The following CHD7 variants were observed in gnomAD, a reference collection of about 807,000 sequenced individuals.
CHD7 encodes the protein chromodomain helicase DNA binding protein 7.
CHD7 carries 24 observed loss-of-function variants against 307.3 expected under a neutral mutation model. The observed-to-expected ratio is 0.08, with a 90% confidence interval of 0.06 to 0.11. The LOEUF (loss-of-function observed/expected upper bound fraction) is 0.11, where lower values mean the gene tolerates loss of function less well. CHD7 is among the 10% of genes least tolerant of loss of function. The pLI, the probability that CHD7 is intolerant of heterozygous loss-of-function variation, is 1.00. For missense variants in CHD7, 3,106 were observed against 3,727.1 expected (o/e 0.83, Z 4.34); for synonymous variants, 1,363 against 1,349.9 (o/e 1.01, Z -0.21).
intron 34 of CHD7, among the ~76,000 whole-genome samples, chr8:60,860,676 C>G (rs1805928566): frequency 6.6e-6 from 1 of 152,202 alleles, no homozygotes; most frequent in African/African-American, 2.4e-5. Context: ...CTCAGGTGAT[C>G]CGCCCACCTC....
intron 2 of CHD7, among the ~76,000 whole-genome samples, chr8:60,773,306 A>G (rs540170610): frequency 1.8e-4 from 27 of 152,288 alleles, no homozygotes; most frequent in Admixed American, 1.8e-3. Flanking sequence ...TTCTCACAAA[A>G]TTACTTCAGG....
Position 60,742,971 on chromosome 8 carries a change from C to T in CHD7, c.1539C>T (p.Thr513=), listed in dbSNP as rs777411052. Residue 513 remains threonine, a synonymous_variant, in exon 2 of 38, where the codon ACC becomes ACT. Transcript: ENST00000423902. The stretch of plus-strand genomic sequence containing the variant: ...AGCCATCTTTTCAGCAGTTGCCAAC[C>T]TGTCCTCCACTGCAGCCTCACCCGG... ...GQQPSFQQLP[T]CPPLQPHPGL... is the part of the protein sequence containing the mutation. 2.5e-6 allele frequency: 4 copies of T among 1,613,700 alleles called. No homozygotes were observed. The South Asian group carries it at 4.4e-5, about 18-fold the overall frequency.
intron 7 of CHD7, among the ~76,000 whole-genome samples, chr8:60,815,931 G>T (rs992950873): frequency 2.0e-5 from 3 of 152,124 alleles, no homozygotes; most frequent in African/African-American, 7.2e-5. Flanking sequence ...TTTTAAATTT[G>T]AATTATTTTA....
intron 3 of CHD7, among the ~76,000 whole-genome samples, chr8:60,788,223 A>G (rs1393981752): frequency 6.6e-6 from 1 of 151,786 alleles, no homozygotes; most frequent in Non-Finnish European, 1.5e-5. Flanking sequence ...TCCTGGGCTC[A>G]AGCAGTCCTC....
rs533760815 is a variant in CHD7, at chr8:60,696,857, T to C, written c.-175+17775T>C. Reference sequence around the variant, plus strand: ...AAATTTTGCATGTTTTTTTTTTTTCTTTTCTAGATTGCTTGGCAGTTTTGG... The same window carrying C: ...AAATTTTGCATGTTTTTTTTTTTTCCTTTCTAGATTGCTTGGCAGTTTTGG... On this transcript the variant is annotated intron_variant, in intron 1 of 37. Transcript: ENST00000423902. Among the ~76,000 whole-genome samples, 213 of 151,962 alleles carry C rather than the reference T, an allele frequency of 1.4e-3. 1 individual carries two copies. The highest frequency in any genetic ancestry group is 4.2e-3 in the African/African-American group (173 of 41,496).
intron 1 of CHD7, among the ~76,000 whole-genome samples, chr8:60,726,695 A>G (rs1304306927): frequency 6.6e-6 from 1 of 152,244 alleles, no homozygotes; most frequent in African/African-American, 2.4e-5. Flanking sequence ...ATAGTTCAGA[A>G]TCAGTCTCAG....
chr8:60,866,102 T>C lies in CHD7; in HGVS notation c.*169T>C, dbSNP rs1226056409. The stretch of plus-strand genomic sequence containing the variant: ...ACAGGTGTGTCAAAAGGTATCTTGG[T>C]CATTAAGTATTGTGCAGTGCATTAT... On this transcript the variant is annotated 3_prime_UTR_variant, in exon 38 of 38. Coordinates refer to ENST00000423902, the MANE Select transcript of CHD7 (RefSeq NM_017780.4). 5 of 615,698 alleles carry C rather than the reference T, an allele frequency of 8.1e-6. No individual in the cohort carries two copies. Among genetic ancestry groups the C allele is most frequent in the Non-Finnish European group, 1.4e-5 (5 of 350,200 alleles). 38.1% of individuals were successfully genotyped at this position (615,698 alleles called of 1,614,324 possible).
chr8:60,777,454 A>G (rs182418640), intron 2 of CHD7, among the ~76,000 whole-genome samples: 112 of 152,354 alleles, frequency 7.4e-4, no homozygotes, highest in Non-Finnish European at 2.4e-4. Context: ...AATGCTGATG[A>G]ATTGTGGAAG....
chr8:60,827,720 G>T (rs192116865), intron 13 of CHD7, among the ~76,000 whole-genome samples: 1 of 151,552 alleles, frequency 6.6e-6, no homozygotes, highest in Admixed American at 6.6e-5. Context: ...GATATGACAT[G>T]GTAGATATTA....
intron 1 of CHD7, among the ~76,000 whole-genome samples, chr8:60,727,904 A>T (rs1047285044): frequency 2.0e-5 from 3 of 152,302 alleles, no homozygotes; most frequent in East Asian, 1.9e-4. Flanking sequence ...GGTTTTTACC[A>T]TCTGCTCAGT....
intron 2 of CHD7, among the ~76,000 whole-genome samples, chr8:60,750,964 T>TG (rs1241294797): frequency 1.4e-4 from 22 of 152,230 alleles, no homozygotes; most frequent in African/African-American, 5.3e-4. Flanking sequence ...AATGAATAAA[T>TG]GCAGTACTAG....
intron 4 of CHD7, among the ~76,000 whole-genome samples, chr8:60,795,892 A>G (rs1413907207): frequency 6.6e-6 from 1 of 152,128 alleles, no homozygotes; most frequent in Non-Finnish European, 1.5e-5. Context: ...AATGACATCT[A>G]AGTTGTCAAG....
intron 4 of CHD7, 47 bp from the exon 5 acceptor site, chr8:60,800,341 T>G (rs764413667): frequency 1.3e-6 from 2 of 1,593,344 alleles, no homozygotes; most frequent in Admixed American, 3.5e-5. Flanking sequence ...CACATTTTTC[T>G]TTTTAATCAT....
chr8:60,826,858 A>G (rs1804274810), intron 13 of CHD7, among the ~76,000 whole-genome samples: 1 of 152,184 alleles, frequency 6.6e-6, no homozygotes, highest in African/African-American at 2.4e-5. Flanking sequence ...CTTAAAATGA[A>G]ATTAAATGGA....
In CHD7 at chr8:60,832,159, C is replaced by T. The variant is rs535337953; in HGVS notation, c.3778+1582C>T. 3.3e-5 allele frequency among the ~76,000 whole-genome samples: 5 copies of T among 152,214 alleles called. No individual in the cohort carries two copies. In the South Asian group the frequency reaches 1.0e-3, roughly 32 times the overall value. ...ACCTCAGCCTCCTGAGTAGCTGGGACTACAGGCATGCGCCACAACGCCCAG... is the reference window on the plus strand; with the variant it reads ...ACCTCAGCCTCCTGAGTAGCTGGGATTACAGGCATGCGCCACAACGCCCAG... On this transcript the variant is annotated intron_variant, in intron 15 of 37. Coordinates refer to ENST00000423902, the MANE Select transcript of CHD7 (RefSeq NM_017780.4).
In CHD7 at chr8:60,833,465, G is replaced by A. The variant is rs180892170; in HGVS notation, c.3779-2608G>A. Among the ~76,000 whole-genome samples the A allele has an allele frequency of 1.3e-3, 193 of 152,190 alleles. 3 individuals are homozygous for A. The highest frequency in any genetic ancestry group is 1.7e-3 in the Non-Finnish European group (113 of 67,988). ...GGAAGAGTGGGCAAAAAGAAAACACGAATGAGGCTTACGTGATGGAGTGAA... is the reference window on the plus strand; with the variant it reads ...GGAAGAGTGGGCAAAAAGAAAACACAAATGAGGCTTACGTGATGGAGTGAA... On this transcript the variant is annotated intron_variant, in intron 15 of 37. Transcript: ENST00000423902.
At chr8:60,814,858 G>A (rs938427548) in intron 7 of CHD7, among the ~76,000 whole-genome samples, 3 of 152,208 alleles carry the variant, frequency 2.0e-5, no homozygotes, top group Non-Finnish European at 4.4e-5. Context: ...GAGATCAGAA[G>A]TGTTTTGGAT....
intron 2 of CHD7, among the ~76,000 whole-genome samples, chr8:60,749,431 C>T (rs2150593319): frequency 7.1e-6 from 1 of 140,524 alleles, no homozygotes. Context: ...GAGTAATTGG[C>T]AACTAAGTAA....
At chr8:60,682,273 C>G (rs1376831084) in intron 1 of CHD7, among the ~76,000 whole-genome samples, 2 of 152,106 alleles carry the variant, frequency 1.3e-5, no homozygotes, top group Non-Finnish European at 2.9e-5. Flanking sequence ...TCTAGGTTAG[C>G]CTTACTTTTA....
Sources: allele counts gnomAD v4.1 joint callset (sites outside exome capture counted in the v4.1 genomes callset), GRCh38; gene constraint gnomAD v4.1.1; transcripts MANE v1.5; gene names NCBI Gene and HGNC (gene_info 2026-07-23, HGNC 2026-07-21).